Variants in CNTN5 observed in about 807,000 individuals in gnomAD.
CNTN5 encodes the protein contactin 5.
In CNTN5, 77 loss-of-function variants were observed where a neutral mutation model predicts 129.1. The ratio of observed to expected loss-of-function variants is 0.60; its 90% confidence interval spans 0.50 to 0.72. CNTN5 has a LOEUF of 0.72. CNTN5 is among the 30% of genes least tolerant of loss of function. The pLI, the probability that CNTN5 is intolerant of heterozygous loss-of-function variation, is 0.00. For missense variants in CNTN5, 1,478 were observed against 1,328.8 expected (o/e 1.11, Z -1.75); for synonymous variants, 509 against 465.6 (o/e 1.09, Z -1.20).
In CNTN5 at chr11:99,927,897, C is replaced by G. The variant is rs1950099620; in HGVS notation, c.673+11748C>G. 2.0e-5 allele frequency among the ~76,000 whole-genome samples: 3 copies of G among 152,172 alleles called. No homozygotes were observed. In the South Asian group the frequency reaches 6.2e-4, roughly 32 times the overall value. ...ATTAACTCAAAAGTCCAAGTCAAGT[C>G]TTATCTGAGACAAGGCAAGTTCCAT... On this transcript the variant is annotated intron_variant, in intron 7 of 24. Transcript: ENST00000524871.
chr11:99,767,238 A>G (rs117854762), intron 3 of CNTN5, among the ~76,000 whole-genome samples: 5,173 of 152,234 alleles, frequency 0.034, 130 homozygotes, highest in South Asian at 0.098. Flanking sequence ...GTGTTAAAAA[A>G]TATTGATAAA....
intron 1 of CNTN5, among the ~76,000 whole-genome samples, chr11:99,180,063 G>C (rs1336196843): frequency 6.6e-6 from 1 of 152,104 alleles, no homozygotes; most frequent in Non-Finnish European, 1.5e-5. Context: ...CCTGTTCTGT[G>C]TGGGAAACAC....
At chr11:99,195,986 G>A (rs1858882614) in intron 1 of CNTN5, among the ~76,000 whole-genome samples, 1 of 151,870 alleles carries the variant, frequency 6.6e-6, no homozygotes, top group Non-Finnish European at 1.5e-5. Context: ...AAGAAATTCT[G>A]CATTACTAAT....
At chr11:100,223,204 A>G (rs1428563325) in intron 15 of CNTN5, among the ~76,000 whole-genome samples, 1 of 152,176 alleles carries the variant, frequency 6.6e-6, no homozygotes, top group Non-Finnish European at 1.5e-5. Flanking sequence ...CTCACTATGA[A>G]GCATGTCCTT....
chr11:99,897,277 C>T (rs907125681), intron 6 of CNTN5, among the ~76,000 whole-genome samples: 4 of 151,980 alleles, frequency 2.6e-5, no homozygotes, highest in East Asian at 1.9e-4. Context: ...GGTAGATATT[C>T]GGATATGAGG....
intron 2 of CNTN5, among the ~76,000 whole-genome samples, chr11:99,389,514 G>A (rs17585328): frequency 0.015 from 2,279 of 152,280 alleles, 22 homozygotes; most frequent in Non-Finnish European, 0.024. Context: ...ATAATGCGTA[G>A]TGCTGATTAA....
intron 1 of CNTN5, among the ~76,000 whole-genome samples, chr11:99,126,742 C>T (rs551872514): frequency 1.1e-4 from 17 of 152,136 alleles, no homozygotes; most frequent in Admixed American, 4.6e-4. Context: ...ACATTCCTGT[C>T]GGTTATTATC....
rs568721057 is a variant in CNTN5, at chr11:99,417,974, G to A, written c.-71+92490G>A. Among the ~76,000 whole-genome samples, 8 of 152,216 alleles carry A rather than the reference G, an allele frequency of 5.3e-5. No homozygotes were observed. The South Asian group carries it at 1.2e-3, about 24-fold the overall frequency. Reference sequence around the variant, plus strand: ...TACTCTTGTAAATTTAAGTTATGCTGACTTGGACAACTCTTTTCAGATTTA... The same window carrying A: ...TACTCTTGTAAATTTAAGTTATGCTAACTTGGACAACTCTTTTCAGATTTA... On this transcript the variant is annotated intron_variant, in intron 2 of 24. Transcript: ENST00000524871.
chr11:99,192,160 A>G (rs1235397941), intron 1 of CNTN5, among the ~76,000 whole-genome samples: 1 of 151,794 alleles, frequency 6.6e-6, no homozygotes, highest in African/African-American at 2.4e-5. Flanking sequence ...CTAACAAAAG[A>G]AAGAAGACAA....
chr11:99,989,038 C>T (rs1262247309), intron 8 of CNTN5, among the ~76,000 whole-genome samples: 1 of 152,094 alleles, frequency 6.6e-6, no homozygotes, highest in African/African-American at 2.4e-5. Context: ...TGAGTAAAGT[C>T]CACCATATCT....
chr11:99,160,598 G>A (rs766606781), intron 1 of CNTN5, among the ~76,000 whole-genome samples: 6 of 152,114 alleles, frequency 3.9e-5, no homozygotes, highest in East Asian at 1.9e-4. Context: ...TACACCCCAA[G>A]GCACAAAGGG....
At chr11:99,850,097 C>T (rs1282664831) in intron 6 of CNTN5, among the ~76,000 whole-genome samples, 1 of 147,268 alleles carries the variant, frequency 6.8e-6, no homozygotes, top group African/African-American at 2.5e-5. Flanking sequence ...TTTAAAACCA[C>T]TTATTTAATT....
rs1489443507 is a variant in CNTN5, at chr11:99,104,629, TACAC to T, written c.-210+83368_-210+83371del. ...TACAATGTGTGTGTATATATATATATACACACACACACGTGTATATATATATATC... is the reference window on the plus strand; with the variant it reads ...TACAATGTGTGTGTATATATATATATACACACACGTGTATATATATATATC... On this transcript the variant is annotated intron_variant, in intron 1 of 24. Coordinates refer to ENST00000524871, the MANE Select transcript of CNTN5 (RefSeq NM_014361.4). Among the ~76,000 whole-genome samples the T allele has an allele frequency of 2.6e-4, 28 of 106,404 alleles. 1 individual carries two copies. The highest frequency in any genetic ancestry group is 1.2e-3 in the African/African-American group (28 of 23,494). The allele number at this position is 106,404 out of a possible 152,430, so 69.8% of individuals were successfully genotyped here. A position where few individuals can be genotyped will look rare whatever the true frequency, so the allele number is the denominator to read the frequency against.
intron 3 of CNTN5, among the ~76,000 whole-genome samples, chr11:99,790,953 C>T (rs950475762): frequency 2.0e-5 from 3 of 152,032 alleles, no homozygotes; most frequent in Non-Finnish European, 4.4e-5. Flanking sequence ...ACATATATGT[C>T]TTCTTTTGAA....
At chr11:99,896,322 T>C (rs568570340) in intron 6 of CNTN5, among the ~76,000 whole-genome samples, 2 of 152,310 alleles carry the variant, frequency 1.3e-5, no homozygotes, top group South Asian at 4.1e-4. Context: ...CTCTGTGTTC[T>C]GAGTACATAC....
chr11:99,132,705 AAGG>A (rs1211699759), intron 1 of CNTN5, among the ~76,000 whole-genome samples: 6 of 152,180 alleles, frequency 3.9e-5, no homozygotes, highest in Non-Finnish European at 8.8e-5. Context: ...AAGGGAAATG[AAGG>A]ACCTCTTCAA....
At chr11:100,158,369 T>C (rs2138345977) in intron 13 of CNTN5, among the ~76,000 whole-genome samples, 1 of 152,028 alleles carries the variant, frequency 6.6e-6, no homozygotes, top group Non-Finnish European at 1.5e-5. Flanking sequence ...TGACATTTAC[T>C]AACACAGTAT....
chr11:99,473,671 CTTG>C (rs1291910662), intron 2 of CNTN5, among the ~76,000 whole-genome samples: 5 of 151,852 alleles, frequency 3.3e-5, no homozygotes, highest in Admixed American at 1.3e-4. Context: ...GTGAAACCCA[CTTG>C]TTGTCTTTGA....
intron 21 of CNTN5, among the ~76,000 whole-genome samples, chr11:100,336,601 T>C (rs1952043254): frequency 6.6e-6 from 1 of 152,232 alleles, no homozygotes. Context: ...TGGTTTCAAG[T>C]GATTTTACAT....
Sources: allele counts gnomAD v4.1 joint callset (sites outside exome capture counted in the v4.1 genomes callset), GRCh38; gene constraint gnomAD v4.1.1; transcripts MANE v1.5; gene names NCBI Gene and HGNC (gene_info 2026-07-23, HGNC 2026-07-21).